Variants in CHCHD3 observed in about 807,000 individuals in gnomAD.
CHCHD3 encodes the protein coiled-coil-helix-coiled-coil-helix domain containing 3.
Under a neutral mutation model 38.2 loss-of-function variants are expected in CHCHD3, and 20 were observed. That is an observed-to-expected ratio of 0.52 (90% CI 0.37 to 0.76). The LOEUF is 0.76. Ranked by LOEUF, CHCHD3 falls within the 30% of genes least tolerant of loss-of-function variation. CHCHD3 has a pLI of 0.00. For missense variants in CHCHD3, 245 were observed against 279.2 expected, an observed-to-expected ratio of 0.88 and a Z score of 0.87; for synonymous variants, 82 against 100.0, an observed-to-expected ratio of 0.82 and a Z score of 1.07.
intron 3 of CHCHD3, among the ~76,000 whole-genome samples, chr7:133,016,214 G>A (rs1030695816): frequency 6.6e-6 from 1 of 152,136 alleles, no homozygotes; most frequent in Non-Finnish European, 1.5e-5. Flanking sequence ...TGCCTACCCA[G>A]TAGGGGTGTT....
At chr7:132,917,916 A>G (rs2117232086) in intron 4 of CHCHD3, among the ~76,000 whole-genome samples, 1 of 151,934 alleles carries the variant, frequency 6.6e-6, no homozygotes, top group Admixed American at 6.6e-5. Context: ...CAAATTATAT[A>G]CATAAAAGCA....
At chr7:133,009,188 C>T (rs761308940) in intron 3 of CHCHD3, among the ~76,000 whole-genome samples, 2 of 151,700 alleles carry the variant, frequency 1.3e-5, no homozygotes, top group Non-Finnish European at 2.9e-5. Flanking sequence ...ACATGTGACA[C>T]CCCATCTCTA....
chr7:132,847,593 G>A (rs1359032154), intron 5 of CHCHD3, among the ~76,000 whole-genome samples: 1 of 152,144 alleles, frequency 6.6e-6, no homozygotes, highest in East Asian at 1.9e-4. Flanking sequence ...TTGAATGTGC[G>A]ATACACTGCC....
chr7:132,994,876 A>T (rs1348065756), intron 3 of CHCHD3, among the ~76,000 whole-genome samples: 1 of 152,158 alleles, frequency 6.6e-6, no homozygotes. Context: ...ACACAGAGAG[A>T]CCAACAGACA....
At chr7:132,973,913 C>G (rs1351016384) in intron 4 of CHCHD3, 2 of 1,249,916 alleles carry the variant, frequency 1.6e-6, no homozygotes, top group Non-Finnish European at 2.0e-6. Context: ...CCCAACTGTG[C>G]TCCAATGAGG....
chr7:132,968,241 T>C (rs1811526580), intron 4 of CHCHD3, among the ~76,000 whole-genome samples: 1 of 152,150 alleles, frequency 6.6e-6, no homozygotes, highest in Non-Finnish European at 1.5e-5. Context: ...CCTAATACCC[T>C]GCTAAATCCA....
chr7:132,931,550 G>T (rs1810515939), intron 4 of CHCHD3, among the ~76,000 whole-genome samples: 1 of 152,126 alleles, frequency 6.6e-6, no homozygotes, highest in Non-Finnish European at 1.5e-5. Context: ...ATTAAAACTA[G>T]ATTTTAAAAT....
chr7:132,858,142 A>C (rs1808390807), intron 5 of CHCHD3, among the ~76,000 whole-genome samples: 1 of 152,134 alleles, frequency 6.6e-6, no homozygotes. Flanking sequence ...AGCTCACTGC[A>C]ACCTCAGCCT....
intron 6 of CHCHD3, among the ~76,000 whole-genome samples, chr7:132,804,442 G>A (rs1806863369): frequency 1.3e-5 from 2 of 152,184 alleles, no homozygotes; most frequent in African/African-American, 4.8e-5. Flanking sequence ...ATTCTCAGCT[G>A]AGGGGTGACT....
intron 6 of CHCHD3, among the ~76,000 whole-genome samples, chr7:132,835,795 G>A (rs1469867103): frequency 6.6e-6 from 1 of 152,208 alleles, no homozygotes; most frequent in African/African-American, 2.4e-5. Flanking sequence ...TGTATTTGGG[G>A]TGAGGGTCTT....
chr7:132,808,980 C>T (rs1236590856), intron 6 of CHCHD3, among the ~76,000 whole-genome samples: 1 of 150,422 alleles, frequency 6.6e-6, no homozygotes, highest in Non-Finnish European at 1.5e-5. Flanking sequence ...GACAGGATCT[C>T]GCTCTATCAC....
intron 3 of CHCHD3, among the ~76,000 whole-genome samples, chr7:133,007,885 C>T (rs1812743190): frequency 6.6e-6 from 1 of 152,188 alleles, no homozygotes; most frequent in Non-Finnish European, 1.5e-5. Context: ...TCCGAGCATC[C>T]TATTTCTCCC....
At chr7:132,986,037 CTT>C (rs1812110438) in intron 3 of CHCHD3, among the ~76,000 whole-genome samples, 1 of 150,408 alleles carries the variant, frequency 6.6e-6, no homozygotes, top group African/African-American at 2.4e-5. Context: ...ACATGGGAGA[CTT>C]TTCATTTTGT....
At chr7:132,933,473 C>T (rs1469147128) in intron 4 of CHCHD3, among the ~76,000 whole-genome samples, 2 of 152,140 alleles carry the variant, frequency 1.3e-5, no homozygotes, top group African/African-American at 4.8e-5. Flanking sequence ...ATAGATTTTC[C>T]CTCTAGAATC....
intron 3 of CHCHD3, among the ~76,000 whole-genome samples, chr7:133,017,958 T>C (rs1813073462): frequency 6.6e-6 from 1 of 152,180 alleles, no homozygotes; most frequent in African/African-American, 2.4e-5. Context: ...GCACTTCCAA[T>C]CACCTTCCAG....
intron 1 of CHCHD3, among the ~76,000 whole-genome samples, chr7:133,073,867 GT>G (rs1347103666): frequency 1.3e-5 from 2 of 152,126 alleles, no homozygotes; most frequent in Non-Finnish European, 2.9e-5. Flanking sequence ...AAATTCTACA[GT>G]TTTTTTCCTT....
intron 4 of CHCHD3, among the ~76,000 whole-genome samples, chr7:132,941,596 T>A (rs574677113): frequency 1.3e-5 from 2 of 152,102 alleles, no homozygotes; most frequent in Non-Finnish European, 2.9e-5. Context: ...TTATACTGGG[T>A]TCCTTATATT....
At chr7:132,953,241 T>C (rs1347232155) in intron 4 of CHCHD3, among the ~76,000 whole-genome samples, 1 of 152,146 alleles carries the variant, frequency 6.6e-6, no homozygotes, top group Non-Finnish European at 1.5e-5. Flanking sequence ...GCAGGAGGTA[T>C]TGAGATGTAA....
intron 5 of CHCHD3, among the ~76,000 whole-genome samples, chr7:132,874,592 C>T (rs930601799): frequency 1.3e-5 from 2 of 152,032 alleles, no homozygotes; most frequent in Non-Finnish European, 2.9e-5. Flanking sequence ...CTGGTTCAGA[C>T]TTTCCATTGG....
Sources: allele counts gnomAD v4.1 joint callset (sites outside exome capture counted in the v4.1 genomes callset), GRCh38; gene constraint gnomAD v4.1.1; transcripts MANE v1.5; gene names NCBI Gene and HGNC (gene_info 2026-07-23, HGNC 2026-07-21).